HAAO: variants seen among roughly 807,000 people sequenced by gnomAD.
HAAO encodes the protein 3-hydroxyanthranilate oxygenase.
In HAAO, 49 loss-of-function variants were observed where a neutral mutation model predicts 46.2. The observed-to-expected ratio is 1.06, with a 90% CI of 0.84 to 1.34. The LOEUF is 1.34. Among genes scored for constraint, HAAO ranks in the 40% most tolerant of loss-of-function variants. The probability of loss-of-function intolerance (pLI) is 0.00; values close to 1 mark genes in which losing one functional copy is unlikely to be tolerated. For missense variants in HAAO, 408 were observed against 364.5 expected (o/e 1.12, Z -0.97); for synonymous variants, 157 against 145.2 (o/e 1.08, Z -0.58).
At chr2:42,782,907 G>T in intron 4 of HAAO, 1 of 461,848 alleles carries the variant, frequency 2.2e-6, no homozygotes, top group Non-Finnish European at 4.3e-6. Context: ...AAGCCGAGCT[G>T]TGCTCTTACG....
At chr2:42,782,095 T>G (rs1367810253) in intron 4 of HAAO, among the ~76,000 whole-genome samples, 1 of 152,238 alleles carries the variant, frequency 6.6e-6, no homozygotes, top group Admixed American at 6.5e-5. Flanking sequence ...AATTCTAATT[T>G]TTCTTGACTA....
chr2:42,773,758 T>C (rs1341173794), intron 4 of HAAO, among the ~76,000 whole-genome samples: 1 of 152,060 alleles, frequency 6.6e-6, no homozygotes, highest in Non-Finnish European at 1.5e-5. Context: ...GACTAATTTT[T>C]TGTATTTTTA....
rs530654568 is a variant in HAAO, at chr2:42,783,716, G to A, written c.243+68C>T. ...ACAAGACCTCAGCCAGGGCCAGGAT[G>A]AGTGGACAGGGCGGATTCCAGCTGT... On this transcript the variant is annotated intron_variant, in intron 3 of 9. Coordinates refer to ENST00000294973, the MANE Select transcript of HAAO (RefSeq NM_012205.3). 2.2e-5 allele frequency: 30 copies of A among 1,342,578 alleles called. No homozygotes were observed. The East Asian group carries it at 4.9e-4, about 22-fold the overall frequency. The allele number at this position is 1,342,578 out of a possible 1,614,324, so 83.2% of individuals were successfully genotyped here. A position where few individuals can be genotyped will look rare whatever the true frequency, so the allele number is the denominator to read the frequency against.
At chr2:42,767,771 G>A (rs1234977784) in intron 8 of HAAO, 89 bp downstream of exon 8, 1 of 1,538,160 alleles carries the variant, frequency 6.5e-7, no homozygotes, top group Non-Finnish European at 9.0e-7. Context: ...GGCCCCAAGA[G>A]TGGGCCCCGT....
At position 42,792,493 on chromosome 2, in the gene HAAO, C is replaced by T; in HGVS notation, c.44G>A (p.Arg15Gln). 6.3e-7 allele frequency: 1 copy of T among 1,592,808 alleles called. No individual in the cohort carries two copies. The highest frequency in any genetic ancestry group is 8.5e-7 in the Non-Finnish European group (1 of 1,170,318). ...GCAGACCGGGGGCTGGAAGGAGCCC[C>T]GGTTCTCCTTCACCCAGGCCCTCAC... ...LGVRAWVKEN[R>Q]GSFQPPVCNK... The change falls in exon 1 of 10, where the codon CGG (arginine) becomes CAG (glutamine). Residue 15 changes from arginine (R) to glutamine (Q), a missense_variant. Arg to Gln is a conservative substitution (Grantham distance 43). Coordinates refer to ENST00000294973, the MANE Select transcript of HAAO (RefSeq NM_012205.3).
intron 4 of HAAO, among the ~76,000 whole-genome samples, chr2:42,777,568 C>G (rs1462701220): frequency 2.0e-5 from 3 of 152,040 alleles, no homozygotes; most frequent in Non-Finnish European, 2.9e-5. Flanking sequence ...TCAGTTAGGT[C>G]AAATCATTTT....
At chr2:42,783,237 C>A in intron 4 of HAAO, 77 bp downstream of exon 4, 1 of 847,518 alleles carries the variant, frequency 1.2e-6, no homozygotes, top group South Asian at 1.5e-5. Context: ...TATCTAGGAT[C>A]CCTTCAGCTG....
intron 5 of HAAO, 82 bp from the exon 6 acceptor site, chr2:42,770,268 C>T (rs907643153): frequency 1.4e-5 from 17 of 1,203,358 alleles, no homozygotes; most frequent in African/African-American, 1.2e-4. Context: ...ACCACACTCA[C>T]GGTCAGGTGC....
chr2:42,775,959 C>T (rs1253853125), intron 4 of HAAO, among the ~76,000 whole-genome samples: 1 of 147,176 alleles, frequency 6.8e-6, no homozygotes, highest in Non-Finnish European at 1.5e-5. Flanking sequence ...GCTTCTGGGC[C>T]TTTGGCTAAG....
intron 1 of HAAO, among the ~76,000 whole-genome samples, chr2:42,790,256 T>C (rs1258762951): frequency 6.6e-6 from 1 of 151,942 alleles, no homozygotes; most frequent in Non-Finnish European, 1.5e-5. Flanking sequence ...GGACCTGATG[T>C]TTGGAAAGGT....
At chr2:42,778,203 CTG>C (rs1183911402) in intron 4 of HAAO, among the ~76,000 whole-genome samples, 1 of 151,054 alleles carries the variant, frequency 6.6e-6, no homozygotes, top group South Asian at 2.1e-4. Flanking sequence ...AGGAAAAAAA[CTG>C]AGATTAAATT....
chr2:42,783,448 T>C (rs1297530339), intron 3 of HAAO, 28 bp from the exon 4 acceptor site: 7 of 1,397,152 alleles, frequency 5.0e-6, no homozygotes, highest in Admixed American at 3.5e-5. Flanking sequence ...AGGTGCACAG[T>C]GAGGCTGCAA....
intron 1 of HAAO, among the ~76,000 whole-genome samples, chr2:42,791,333 G>A (rs1420960188): frequency 2.0e-5 from 3 of 152,166 alleles, no homozygotes; most frequent in Non-Finnish European, 2.9e-5. Context: ...AGATGGACGC[G>A]AGACCTCAGG....
At chr2:42,779,651 G>T (rs1347292316) in intron 4 of HAAO, among the ~76,000 whole-genome samples, 2 of 152,118 alleles carry the variant, frequency 1.3e-5, no homozygotes, top group Non-Finnish European at 2.9e-5. Context: ...TTATTGTTTG[G>T]AACATTAAGT....
intron 1 of HAAO, among the ~76,000 whole-genome samples, chr2:42,790,955 C>A (rs927093995): frequency 1.1e-4 from 16 of 152,168 alleles, no homozygotes; most frequent in Non-Finnish European, 2.4e-4. Context: ...CCAGACCTGC[C>A]CCTCCTCTGC....
intron 4 of HAAO, among the ~76,000 whole-genome samples, chr2:42,777,884 T>C (rs552560611): frequency 1.3e-5 from 2 of 152,082 alleles, no homozygotes; most frequent in Non-Finnish European, 1.5e-5. Context: ...AGGTCATGTA[T>C]AAAACAAGGT....
In HAAO at chr2:42,792,560, A is replaced by G. The variant is rs760331125; in HGVS notation, c.-24T>C. On this transcript the variant is annotated 5_prime_UTR_variant, in exon 1 of 10. Coordinates refer to ENST00000294973, the MANE Select transcript of HAAO (RefSeq NM_012205.3). ...ATGACTGTCCCGGGCGCCTCCTCGC[A>G]GCGCTGTCCTCCCGCCGTCGGAGGC... 4.0e-6 allele frequency: 6 copies of G among 1,512,746 alleles called. No individual in the cohort carries two copies. The South Asian group carries it at 5.0e-5, about 13-fold the overall frequency. The allele number at this position is 1,512,746 out of a possible 1,614,324, so 93.7% of individuals were successfully genotyped here.
intron 4 of HAAO, among the ~76,000 whole-genome samples, chr2:42,782,615 A>G (rs2104661235): frequency 6.6e-6 from 1 of 152,360 alleles, no homozygotes; most frequent in Non-Finnish European, 1.5e-5. Context: ...CTAAAGGGAA[A>G]AATCAAGGTA....
intron 2 of HAAO, among the ~76,000 whole-genome samples, chr2:42,788,264 C>A (rs1310762350): frequency 6.6e-6 from 1 of 152,244 alleles, no homozygotes; most frequent in Non-Finnish European, 1.5e-5. Flanking sequence ...TGCCCCATGG[C>A]TAAAACCTCT....
Sources: gnomAD v4.1 joint callset for allele counts (sites outside exome capture counted in the v4.1 genomes callset) on GRCh38, gnomAD v4.1.1 for gene constraint, MANE v1.5 for transcripts, NCBI Gene and HGNC (gene_info 2026-07-23, HGNC 2026-07-21) for gene names.